The following IPO7 variants were observed in gnomAD, a reference collection of about 807,000 sequenced individuals.
IPO7 encodes importin 7, also known as importin-7.
Under a neutral mutation model 136.4 loss-of-function variants are expected in IPO7, and 13 were observed. That is an observed-to-expected ratio of 0.10 (90% confidence interval 0.06 to 0.15). The LOEUF (loss-of-function observed/expected upper bound fraction) is 0.15. Ranked by LOEUF, IPO7 falls within the 10% of genes least tolerant of loss-of-function variation. IPO7 has a pLI of 1.00. For missense variants in IPO7, 857 were observed against 1,240.6 expected (o/e 0.69, Z 4.65); for synonymous variants, 403 against 404.4 (o/e 1.00, Z 0.04).
At chr11:9,410,911 A>G (rs1023387756) in intron 4 of IPO7, among the ~76,000 whole-genome samples, 2 of 152,210 alleles carry the variant, frequency 1.3e-5, no homozygotes, top group African/African-American at 4.8e-5. Flanking sequence ...TGGGACTTGC[A>G]GTTAGCCTCC....
rs1854523629 is a variant in IPO7 at position 9,384,682 on chromosome 11, G to A, written c.-82G>A. ...CGCGCCGGTTGCCGCTGCGGAGCGC[G>A]GCGGGTCCATGTGCGCAGTGAGTGG... On this transcript the variant is annotated 5_prime_UTR_variant, in exon 1 of 25. Transcript: ENST00000379719. 4.3e-6 allele frequency: 5 copies of A among 1,165,720 alleles called. No homozygotes were observed. Among genetic ancestry groups the A allele is most frequent in the South Asian group, 2.8e-5 (2 of 70,474 alleles). 72.2% of individuals were successfully genotyped at this position (1,165,720 alleles called of 1,614,324 possible). A position where few individuals can be genotyped will look rare whatever the true frequency, so the allele number is the denominator to read the frequency against.
rs185845740 is a variant in IPO7 at position 9,415,446 on chromosome 11, C to A, written c.636+1035C>A. Among the ~76,000 whole-genome samples, 516 of 152,170 alleles carry A rather than the reference C, an allele frequency of 3.4e-3. 3 individuals carry two copies. Among genetic ancestry groups the A allele is most frequent in the African/African-American group, 0.012 (498 of 41,520 alleles). On this transcript the variant is annotated intron_variant, in intron 5 of 24. Coordinates refer to ENST00000379719, the MANE Select transcript of IPO7 (RefSeq NM_006391.3). The stretch of plus-strand genomic sequence containing the variant: ...GTACAAAACGTATTCCTAAACTTGT[C>A]GCAAAAATACTAAATCAGTGGGCTT...
At position 9,424,945 on chromosome 11, in the gene IPO7, T is replaced by C; in HGVS notation, c.1173T>C (p.Thr391=). ...DVFEDFISPT[T]AAQTLLFTAC... is the part of the protein sequence containing the mutation. ...TTGAAGATTTCATTTCTCCTACCAC[T>C]GCTGCCCAGACACTTTTGTTTACAG... Residue 391 remains threonine (T), a synonymous_variant, in exon 11 of 25, where the codon ACT becomes ACC. Transcript: ENST00000379719. 1 of 1,592,732 alleles carries C rather than the reference T, an allele frequency of 6.3e-7. No homozygotes were observed. The highest frequency in any genetic ancestry group is 8.5e-7 in the Non-Finnish European group (1 of 1,171,588).
At chr11:9,431,064 A>G (rs991392094) in intron 16 of IPO7, 61 bp downstream of exon 16, 33 of 1,363,780 alleles carry the variant, frequency 2.4e-5, no homozygotes, top group Admixed American at 3.5e-5. Context: ...AGAGGGCTCT[A>G]ATATCTCTCT....
intron 13 of IPO7, 80 bp from the exon 14 acceptor site, chr11:9,428,951 A>G (rs1855253122): frequency 7.7e-7 from 1 of 1,291,380 alleles, no homozygotes; most frequent in Non-Finnish European, 1.1e-6. Context: ...ATTCCCACAC[A>G]CAGAACTCAG....
At chr11:9,429,239 G>C in intron 14 of IPO7, 43 bp downstream of exon 14, 1 of 1,522,114 alleles carries the variant, frequency 6.6e-7, no homozygotes. Context: ...TGTTGGCCAG[G>C]TGCGGTAGGT....
At chr11:9,442,898 C>G (rs1368253666) in intron 24 of IPO7, among the ~76,000 whole-genome samples, 1 of 152,076 alleles carries the variant, frequency 6.6e-6, no homozygotes, top group Non-Finnish European at 1.5e-5. Context: ...TGGCACATGC[C>G]TATATTCCCA....
chr11:9,411,425 G>A (rs561571822), intron 4 of IPO7, among the ~76,000 whole-genome samples: 5 of 152,318 alleles, frequency 3.3e-5, no homozygotes, highest in Admixed American at 1.3e-4. Context: ...AGAGGAAGGC[G>A]TGTCACACCA....
chr11:9,405,953 G>C (rs1302242302), intron 2 of IPO7, among the ~76,000 whole-genome samples: 1 of 151,196 alleles, frequency 6.6e-6, no homozygotes, highest in East Asian at 1.9e-4. Flanking sequence ...CAGTGACTCA[G>C]TTATAGCTCA....
chr11:9,420,106 G>A (rs1402318379), intron 6 of IPO7, among the ~76,000 whole-genome samples: 1 of 152,130 alleles, frequency 6.6e-6, no homozygotes, highest in Non-Finnish European at 1.5e-5. Context: ...GGTGGATCAC[G>A]AGGTCAGGAG....
chr11:9,410,126 AG>A (rs768809177), intron 4 of IPO7, 40 bp downstream of exon 4: 5 of 1,382,192 alleles, frequency 3.6e-6, no homozygotes, highest in Non-Finnish European at 4.7e-6. Context: ...TTTGAGAAGT[AG>A]GAAAAGTTGG....
In IPO7 at chr11:9,420,625, C is replaced by T. The variant is rs1399354379; in HGVS notation, c.833C>T (p.Pro278Leu). Residue 278 changes from proline (P) to leucine (L), a missense_variant, in exon 8 of 25, where the codon CCT becomes CTT. By Grantham distance (98) the Pro-to-Leu change is moderately conservative. Transcript: ENST00000379719. ...TGATGTTCTTTTAGATATGGAAGCC[C>T]TGGCAATGTTTCCAAGGAGTATAAT... ...LARLFERYGSPGNVSKEYNEF... is the reference protein window; with the variant it reads ...LARLFERYGSLGNVSKEYNEF... 3.7e-6 allele frequency: 6 copies of T among 1,611,774 alleles called. No individual in the cohort carries two copies. The highest frequency in any genetic ancestry group is 1.3e-5 in the African/African-American group (1 of 74,830).
chr11:9,408,929 G>T (rs1303673149), intron 3 of IPO7, among the ~76,000 whole-genome samples: 1 of 151,658 alleles, frequency 6.6e-6, no homozygotes, highest in Non-Finnish European at 1.5e-5. Flanking sequence ...GGCGAGGATG[G>T]TCTCGATTTC....
At chr11:9,415,338 T>G (rs954918370) in intron 5 of IPO7, among the ~76,000 whole-genome samples, 1 of 150,708 alleles carries the variant, frequency 6.6e-6, no homozygotes, top group Non-Finnish European at 1.5e-5. Flanking sequence ...AAAAAAAGAA[T>G]TAGTGAATCT....
chr11:9,428,652 T>C (rs772994754), intron 13 of IPO7, 23 bp downstream of exon 13: 26 of 1,256,070 alleles, frequency 2.1e-5, no homozygotes, highest in Non-Finnish European at 2.8e-5. Flanking sequence ...GCTGCATTAT[T>C]TATATACTTT....
In IPO7 at chr11:9,430,998, A is replaced by G. The variant is rs1252406514; in HGVS notation, c.1876A>G (p.Lys626Glu). The change falls in exon 16 of 25, where the codon AAA becomes GAA. Residue 626 changes from lysine (K) to glutamate (E), a missense_variant. Around this residue, in one of 11 missense-constraint regions of IPO7, gnomAD observed 190 missense variants for 249.0 expected, o/e 0.76. Coordinates refer to ENST00000379719, the MANE Select transcript of IPO7 (RefSeq NM_006391.3). ...DTLLSVVEDH[K>E]EITQQLEGIC... ...ACTTCTTAGTGTAGTTGAAGATCATAAAGAGGTAAGAAGATGATCTAGTGT... is the reference window on the plus strand; with the variant it reads ...ACTTCTTAGTGTAGTTGAAGATCATGAAGAGGTAAGAAGATGATCTAGTGT... 6 of 1,612,702 alleles carry G rather than the reference A, an allele frequency of 3.7e-6. No individual in the cohort carries two copies. The highest frequency in any genetic ancestry group is 5.1e-6 in the Non-Finnish European group (6 of 1,178,952).
At chr11:9,436,886 T>A (rs1415463990) in intron 20 of IPO7, among the ~76,000 whole-genome samples, 6 of 88,948 alleles carry the variant, frequency 6.7e-5, no homozygotes, top group African/African-American at 2.6e-4. Context: ...TTTTTTTTTT[T>A]TTTTTTTTTT....
intron 6 of IPO7, among the ~76,000 whole-genome samples, chr11:9,420,047 G>T (rs1855104761): frequency 6.6e-6 from 1 of 152,204 alleles, no homozygotes; most frequent in Non-Finnish European, 1.5e-5. Context: ...CATCAGGCCA[G>T]GTGCAGTGGC....
At chr11:9,430,762 C>T (rs1042165635) in intron 15 of IPO7, 113 bp from the exon 16 acceptor site, 8 of 761,784 alleles carry the variant, frequency 1.1e-5, no homozygotes, top group Non-Finnish European at 1.7e-5. Flanking sequence ...AATTTGGAGA[C>T]ATTGATTTGT....
Sources: gnomAD v4.1 joint callset for allele counts (sites outside exome capture counted in the v4.1 genomes callset) on GRCh38, gnomAD v4.1.1 for gene constraint, gnomAD v4.1.1 regional missense constraint, MANE v1.5 for transcripts, NCBI Gene and HGNC (gene_info 2026-07-23, HGNC 2026-07-21) for gene names.